The following ADAMTS7 variants were observed in gnomAD, a reference collection of about 807,000 sequenced individuals.
ADAMTS7 encodes ADAM metallopeptidase with thrombospondin type 1 motif 7, also known as A disintegrin and metalloproteinase with thrombospondin motifs 7.
Under a neutral mutation model 172.6 loss-of-function variants are expected in ADAMTS7, and 89 were observed. That is an observed-to-expected ratio of 0.52 (90% CI 0.43 to 0.61). The LOEUF is 0.61. Ranked by LOEUF, ADAMTS7 falls within the 20% of genes least tolerant of loss-of-function variation. The probability of loss-of-function intolerance (pLI) is 0.00; values close to 1 mark genes in which losing one functional copy is unlikely to be tolerated. For synonymous variants in ADAMTS7, 885 were observed against 978.4 expected, an observed-to-expected ratio of 0.90 and a Z score of 1.78; for missense variants, 1,973 against 2,355.6, an observed-to-expected ratio of 0.84 and a Z score of 3.36.
intron 1 of ADAMTS7, among the ~76,000 whole-genome samples, chr15:78,802,673 A>G (rs1294995777): frequency 6.6e-6 from 1 of 152,180 alleles, no homozygotes; most frequent in Admixed American, 6.5e-5. Context: ...CCTTCTCCTC[A>G]GAACAATGTT....
chr15:78,759,405 G>A lies in ADAMTS7; in HGVS notation c.*16C>T. ...GGCACTGAGGTCTGTCGGTCGGTCT[G>A]TGCATCCTGGCGCAGTCAGCGGCGG... On this transcript the variant is annotated 3_prime_UTR_variant, in exon 24 of 24. Transcript: ENST00000388820. The A allele has an allele frequency of 6.3e-7, 1 of 1,585,468 alleles. No homozygotes were observed. The highest frequency in any genetic ancestry group is 1.3e-5 in the African/African-American group (1 of 74,678).
At chr15:78,798,956 C>A (rs1265040201) in intron 2 of ADAMTS7, among the ~76,000 whole-genome samples, 2 of 151,786 alleles carry the variant, frequency 1.3e-5, no homozygotes, top group Non-Finnish European at 2.9e-5. Flanking sequence ...CCCCCTCCCG[C>A]CCACCACTCA....
At chr15:78,808,428 G>T (rs1285321756) in intron 1 of ADAMTS7, among the ~76,000 whole-genome samples, 1 of 152,026 alleles carries the variant, frequency 6.6e-6, no homozygotes, top group Non-Finnish European at 1.5e-5. Flanking sequence ...TAGAGATGGA[G>T]TTTCACCATG....
chr15:78,780,365 C>A (rs1225183031), intron 8 of ADAMTS7, among the ~76,000 whole-genome samples: 2 of 152,168 alleles, frequency 1.3e-5, no homozygotes, highest in African/African-American at 4.8e-5. Flanking sequence ...ACAGGAGAGA[C>A]CTGGGGGCCC....
Position 78,795,189 on chromosome 15 carries a change from C to T in ADAMTS7, c.819+1401G>A, listed in dbSNP as rs553941510. ...GGAACCTCAGGGCCTGAGAACTTGG[C>T]CTTGCCCCTTGCTCCACCCCTATAG... is the stretch of plus-strand genomic sequence containing the variant. On this transcript the variant is annotated intron_variant, in intron 4 of 23. Coordinates refer to ENST00000388820, the MANE Select transcript of ADAMTS7 (RefSeq NM_014272.5). 1.5e-3 allele frequency among the ~76,000 whole-genome samples: 234 copies of T among 152,362 alleles called. 1 individual carries two copies. The highest frequency in any genetic ancestry group is 2.8e-3 in the Non-Finnish European group (193 of 68,034).
At position 78,790,759 on chromosome 15, in the gene ADAMTS7, G is replaced by A. The variant is rs2055568581; in HGVS notation, c.939C>T (p.Thr313=). ...TCTGCCACTTGCAGAAGCTCTTCAG[G>A]GTGTTGTCTGCATGGTGCGTGATCT... The part of the protein sequence containing the change: ...DLKITHHADN[T]LKSFCKWQKS... The change falls in exon 6 of 24, where the codon ACC becomes ACT. Residue 313 remains threonine (T), a synonymous_variant. Coordinates refer to ENST00000388820, the MANE Select transcript of ADAMTS7 (RefSeq NM_014272.5). 1.2e-6 allele frequency: 2 copies of A among 1,613,916 alleles called. No homozygotes were observed. The highest frequency in any genetic ancestry group is 8.5e-7 in the Non-Finnish European group (1 of 1,179,962).
chr15:78,798,354 G>A (rs1474961081), intron 2 of ADAMTS7, among the ~76,000 whole-genome samples: 1 of 152,126 alleles, frequency 6.6e-6, no homozygotes, highest in African/African-American at 2.4e-5. Flanking sequence ...AGAAGCCTCC[G>A]CCCCTGGGGA....
chr15:78,804,731 C>T (rs2055767561), intron 1 of ADAMTS7, among the ~76,000 whole-genome samples: 1 of 152,202 alleles, frequency 6.6e-6, no homozygotes, highest in African/African-American at 2.4e-5. Context: ...ACTGGGTAGG[C>T]TGGGGCAACG....
rs529832761 is a variant in ADAMTS7 at position 78,767,508 on chromosome 15, G to A, written c.2730C>T (p.Ser910=). Residue 910 remains serine, a synonymous_variant, in exon 18 of 24, where the codon AGC becomes AGT. Transcript: ENST00000388820. ...GGGCGCTCTGCTCATCCAGCCCCACGCTGCGGATGCAGAGCACGGCCCGGC... is the reference window on the plus strand; with the variant it reads ...GGGCGCTCTGCTCATCCAGCCCCACACTGCGGATGCAGAGCACGGCCCGGC... ...LSRRAVLCIR[S]VGLDEQSALE... is the part of the protein sequence containing the mutation. 9.3e-6 allele frequency: 15 copies of A among 1,608,366 alleles called. 1 individual carries two copies. The highest frequency in any genetic ancestry group is 7.7e-5 in the South Asian group (7 of 90,464).
In ADAMTS7 at chr15:78,766,926, C is replaced by T; in HGVS notation, c.2985G>A (p.Arg995=). Residue 995 remains arginine (R), a synonymous_variant, in exon 19 of 24, where the codon CGG becomes CGA. Transcript: ENST00000388820. Reference sequence around the variant, plus strand: ...CAGGGCCCAGTGTGCCCAGGGGCCACCGACAGAGTGGCAGAGAGCAGGTGA... The same window carrying T: ...CAGGGCCCAGTGTGCCCAGGGGCCATCGACAGAGTGGCAGAGAGCAGGTGA... ...SEVTCSLPLC[R]WPLGTLGPEG... is the part of the protein sequence containing the mutation. 1.2e-6 allele frequency: 2 copies of T among 1,610,646 alleles called. No individual in the cohort carries two copies. Among genetic ancestry groups the T allele is most frequent in the Non-Finnish European group, 8.5e-7 (1 of 1,179,534 alleles).
At chr15:78,796,457 A>T in intron 4 of ADAMTS7, 133 bp downstream of exon 4, 1 of 987,598 alleles carries the variant, frequency 1.0e-6, no homozygotes, top group Non-Finnish European at 1.5e-6. Flanking sequence ...GAGCTTGGAT[A>T]CCCTTCTTCC....
chr15:78,763,617 T>A, intron 22 of ADAMTS7, 82 bp downstream of exon 22: 1 of 1,461,112 alleles, frequency 6.8e-7, no homozygotes, highest in Non-Finnish European at 9.0e-7. Flanking sequence ...CAGCACACAC[T>A]CCACAGCTCC....
At chr15:78,788,516 A>G (rs1267239696) in intron 7 of ADAMTS7, 142 bp from the exon 8 acceptor site, 7 of 962,186 alleles carry the variant, frequency 7.3e-6, no homozygotes, top group Admixed American at 2.5e-5. Flanking sequence ...TGGCTGCAGA[A>G]AGTCACATTC....
At chr15:78,768,539 A>C (rs1427673171) in intron 16 of ADAMTS7, among the ~76,000 whole-genome samples, 2 of 152,064 alleles carry the variant, frequency 1.3e-5, no homozygotes, top group Non-Finnish European at 2.9e-5. Flanking sequence ...TCTGCATCCC[A>C]GCTGAGATGC....
At chr15:78,761,219 T>G (rs2055038572) in intron 23 of ADAMTS7, among the ~76,000 whole-genome samples, 1 of 152,220 alleles carries the variant, frequency 6.6e-6, no homozygotes, top group Non-Finnish European at 1.5e-5. Flanking sequence ...GAATGAGGGC[T>G]GCCCAGGAGC....
intron 8 of ADAMTS7, among the ~76,000 whole-genome samples, chr15:78,783,520 C>T (rs550782496): frequency 2.3e-4 from 35 of 152,162 alleles, no homozygotes; most frequent in African/African-American, 7.5e-4. Flanking sequence ...TCAAGAGATC[C>T]GCCTGCCTTA....
chr15:78,767,940 G>A (rs1401052486), intron 17 of ADAMTS7, among the ~76,000 whole-genome samples, 193 bp downstream of exon 17: 2 of 150,324 alleles, frequency 1.3e-5, no homozygotes, highest in Non-Finnish European at 3.0e-5. Flanking sequence ...GCCTTGGGAA[G>A]AGAATAAAAG....
chr15:78,811,230 C>T lies in ADAMTS7; in HGVS notation c.-10G>A, dbSNP rs2055862639. 1.6e-6 allele frequency: 2 copies of T among 1,226,288 alleles called. No individual in the cohort carries two copies. The highest frequency in any genetic ancestry group is 8.2e-5 in the South Asian group (2 of 24,270). The allele number at this position is 1,226,288 out of a possible 1,614,324, so 76.0% of individuals were successfully genotyped here. On this transcript the variant is annotated 5_prime_UTR_variant, in exon 1 of 24. Transcript: ENST00000388820. The stretch of plus-strand genomic sequence containing the variant: ...TGGGGCCGCCGGGCATGGCAGGAAC[C>T]GGGCGGCCGCCGGGTGACCCCGCGC...
chr15:78,809,596 T>G (rs1462058143), intron 1 of ADAMTS7, among the ~76,000 whole-genome samples: 12 of 152,176 alleles, frequency 7.9e-5, no homozygotes, highest in Non-Finnish European at 1.2e-4. Flanking sequence ...ACTGACATAT[T>G]CAATATCTCA....
Sources: gnomAD v4.1 joint callset for allele counts (sites outside exome capture counted in the v4.1 genomes callset) on GRCh38, gnomAD v4.1.1 for gene constraint, MANE v1.5 for transcripts, NCBI Gene and HGNC (gene_info 2026-07-23, HGNC 2026-07-21) for gene names.